OSBPL2: variants seen among roughly 807,000 people sequenced by gnomAD.
The protein encoded by OSBPL2 is oxysterol-binding protein-related protein 2.
In OSBPL2, 18 loss-of-function variants were observed where a neutral mutation model predicts 58.4. The observed-to-expected ratio is 0.31, with a 90% CI of 0.21 to 0.46. The LOEUF (loss-of-function observed/expected upper bound fraction) is 0.46, where lower values mean the gene tolerates loss of function less well. OSBPL2 is among the 20% of genes least tolerant of loss of function. The pLI is 1.00. For synonymous variants in OSBPL2, 221 were observed against 234.1 expected, an observed-to-expected ratio of 0.94 and a Z score of 0.51; for missense variants, 461 against 616.5, an observed-to-expected ratio of 0.75 and a Z score of 2.67.
chr20:62,275,820 A>T (rs940388558), intron 6 of OSBPL2, among the ~76,000 whole-genome samples: 14 of 152,044 alleles, frequency 9.2e-5, no homozygotes, highest in Non-Finnish European at 1.8e-4. Flanking sequence ...AATGAATGGC[A>T]TCTTGGGTTC....
chr20:62,254,444 G>A (rs1338790083), intron 1 of OSBPL2, among the ~76,000 whole-genome samples: 1 of 152,274 alleles, frequency 6.6e-6, no homozygotes, highest in East Asian at 1.9e-4. Context: ...GCAAGGGCAA[G>A]CACACCCTGG....
intron 1 of OSBPL2, among the ~76,000 whole-genome samples, chr20:62,251,845 C>A (rs1980564655): frequency 1.7e-5 from 2 of 119,638 alleles, no homozygotes; most frequent in South Asian, 2.7e-4. Flanking sequence ...CTGTTTCAAG[C>A]GTCATTTTAA....
intron 6 of OSBPL2, among the ~76,000 whole-genome samples, chr20:62,274,157 T>C (rs1982241379): frequency 6.6e-6 from 1 of 152,028 alleles, no homozygotes; most frequent in Non-Finnish European, 1.5e-5. Flanking sequence ...GAAGGACTGG[T>C]TGGGGTTCTC....
At position 62,286,912 on chromosome 20, in the gene OSBPL2, C is replaced by T. The variant is rs2067290116; in HGVS notation, c.1125+201C>T. Among the ~76,000 whole-genome samples the T allele has an allele frequency of 2.6e-5, 4 of 152,290 alleles. No individual in the cohort carries two copies. The South Asian group carries it at 8.3e-4, about 31-fold the overall frequency. ...AGCTGCGTCCCGGCCCTGTGCTTGT[C>T]TGCCTTGGGGCCTGCTGTTGGGGCT... is the stretch of plus-strand genomic sequence containing the variant. On this transcript the variant is annotated intron_variant, in intron 11 of 13. Transcript: ENST00000313733.
chr20:62,242,925 G>A (rs993054587), intron 1 of OSBPL2, among the ~76,000 whole-genome samples: 6 of 152,164 alleles, frequency 3.9e-5, no homozygotes, highest in Admixed American at 1.3e-4. Flanking sequence ...CAGAAAAGAC[G>A]GAGGCAGCTG....
At chr20:62,259,891 C>A in intron 2 of OSBPL2, 90 bp from the exon 3 acceptor site, 2 of 1,181,842 alleles carry the variant, frequency 1.7e-6, no homozygotes, top group South Asian at 2.8e-5. Flanking sequence ...GCTCTGTAGT[C>A]ACCTGCTTGC....
intron 1 of OSBPL2, chr20:62,255,030 C>T (rs1980825757): frequency 6.6e-6 from 1 of 152,054 alleles, no homozygotes; most frequent in Admixed American, 6.6e-5. Context: ...ACTTCCAGAG[C>T]CGTGTTTGAA....
intron 9 of OSBPL2, among the ~76,000 whole-genome samples, chr20:62,283,678 A>G (rs943556546): frequency 2.1e-4 from 32 of 151,712 alleles, no homozygotes; most frequent in African/African-American, 7.5e-4. Context: ...TAAAACGCTC[A>G]CTCTTTTTTG....
chr20:62,270,135 C>G (rs528514358), intron 4 of OSBPL2, among the ~76,000 whole-genome samples: 36 of 152,226 alleles, frequency 2.4e-4, no homozygotes, highest in Non-Finnish European at 5.0e-4. Context: ...CTCCGTCCAC[C>G]CTGCGCATGC....
At chr20:62,291,189 C>T (rs1475425647) in intron 12 of OSBPL2, 1 of 181,426 alleles carries the variant, frequency 5.5e-6, no homozygotes, top group Non-Finnish European at 1.2e-5. Flanking sequence ...CAGAGAGAAA[C>T]CCAGCTCACG....
In OSBPL2 at chr20:62,279,357, C is replaced by T; in HGVS notation, c.674+18C>T. On this transcript the variant is annotated intron_variant, in intron 7 of 13. Transcript: ENST00000313733. ...CTGCTCAAGTGAGTGTCGGTGCGTCCTGCTGAGATCCGCTTCCTGCAGAAA... is the reference window on the plus strand; with the variant it reads ...CTGCTCAAGTGAGTGTCGGTGCGTCTTGCTGAGATCCGCTTCCTGCAGAAA... 1.2e-6 allele frequency: 2 copies of T among 1,610,406 alleles called. No homozygotes were observed. The highest frequency in any genetic ancestry group is 1.7e-6 in the Non-Finnish European group (2 of 1,177,506).
chr20:62,278,329 T>C, intron 6 of OSBPL2: 1 of 159,370 alleles, frequency 6.3e-6, no homozygotes. Context: ...TGTTTGTGTG[T>C]GTGTCTGTTG....
intron 1 of OSBPL2, among the ~76,000 whole-genome samples, chr20:62,241,161 A>G (rs549850863): frequency 1.3e-5 from 2 of 152,222 alleles, no homozygotes; most frequent in East Asian, 3.9e-4. Context: ...AGATGCCAGC[A>G]GATGGGTCTT....
chr20:62,250,157 A>G (rs556591203), intron 1 of OSBPL2, among the ~76,000 whole-genome samples: 1 of 152,272 alleles, frequency 6.6e-6, no homozygotes, highest in Non-Finnish European at 1.5e-5. Context: ...GGCACCAGGT[A>G]GGCTCTCTGT....
chr20:62,249,013 C>T (rs998853761), intron 1 of OSBPL2, among the ~76,000 whole-genome samples: 6 of 152,156 alleles, frequency 3.9e-5, no homozygotes, highest in Non-Finnish European at 7.3e-5. Flanking sequence ...CTGAGAAAAA[C>T]ATAAAGATGG....
chr20:62,259,629 C>T (rs535705713), intron 2 of OSBPL2, among the ~76,000 whole-genome samples: 7 of 152,292 alleles, frequency 4.6e-5, no homozygotes, highest in East Asian at 1.9e-4. Context: ...GGTTTGAATC[C>T]GATAGAAGTG....
chr20:62,257,859 C>T (rs913908917), intron 2 of OSBPL2, among the ~76,000 whole-genome samples: 14 of 152,166 alleles, frequency 9.2e-5, no homozygotes, highest in East Asian at 1.9e-4. Flanking sequence ...GGATTACAGA[C>T]GCCCACCACC....
intron 6 of OSBPL2, among the ~76,000 whole-genome samples, chr20:62,275,430 ACT>A (rs1982326891): frequency 6.7e-6 from 1 of 149,306 alleles, no homozygotes; most frequent in African/African-American, 2.5e-5. Flanking sequence ...ACGAGGTCTC[ACT>A]CTGTCGCCCA....
intron 12 of OSBPL2, 96 bp downstream of exon 12, chr20:62,289,426 C>A (rs1487619865): frequency 1.4e-6 from 2 of 1,434,228 alleles, no homozygotes; most frequent in South Asian, 1.3e-5. Context: ...GCCAGGCTCT[C>A]GCCTACAAGG....
Sources: allele counts gnomAD v4.1 joint callset (sites outside exome capture counted in the v4.1 genomes callset), GRCh38; gene constraint gnomAD v4.1.1; transcripts MANE v1.5; gene names NCBI Gene and HGNC (gene_info 2026-07-23, HGNC 2026-07-21).